The following DNAI4 variants were observed in gnomAD, a reference collection of about 807,000 sequenced individuals.
DNAI4 encodes the protein WD repeat domain 78.
DNAI4 carries 85 observed loss-of-function variants against 105.8 expected under a neutral mutation model. The observed-to-expected ratio is 0.80, with a 90% CI of 0.67 to 0.96. DNAI4 has a LOEUF of 0.96. Ranked by LOEUF, DNAI4 falls within the 40% of genes least tolerant of loss-of-function variation. The pLI is 0.00. For synonymous variants in DNAI4, 352 were observed against 331.5 expected (o/e 1.06, Z -0.67); for missense variants, 1,014 against 1,005.6 (o/e 1.01, Z -0.11).
intron 3 of DNAI4, among the ~76,000 whole-genome samples, chr1:66,892,187 A>G (rs1647714317): frequency 1.3e-5 from 2 of 152,216 alleles, no homozygotes; most frequent in African/African-American, 2.4e-5. Flanking sequence ...TATAGTCTCA[A>G]CTGCCCATCA....
At chr1:66,920,226 G>A (rs1436630262) in intron 1 of DNAI4, among the ~76,000 whole-genome samples, 2 of 152,136 alleles carry the variant, frequency 1.3e-5, no homozygotes, top group Admixed American at 6.5e-5. Flanking sequence ...GCTTTGAAGA[G>A]GAATCTGGCT....
At chr1:66,844,084 C>CAGAAAA (rs761077733) in intron 8 of DNAI4, among the ~76,000 whole-genome samples, 1 of 66,358 alleles carries the variant, frequency 1.5e-5, no homozygotes, top group Admixed American at 2.0e-4. Flanking sequence ...ACTGGAGATT[C>CAGAAAA]AAAAAAAAAA....
chr1:66,847,711 T>C (rs1646308370), intron 7 of DNAI4, 33 bp from the exon 8 acceptor site: 1 of 1,453,186 alleles, frequency 6.9e-7, no homozygotes, highest in Non-Finnish European at 9.4e-7. Flanking sequence ...AATGATAAAA[T>C]ATTCAAATGG....
Position 66,835,731 on chromosome 1 carries a change from T to G in DNAI4, c.1628A>C (p.Asp543Ala). Residue 543 changes from aspartate to alanine, a missense_variant, in exon 11 of 17, where the codon GAT (aspartate) becomes GCT (alanine). By Grantham distance (126) the Asp-to-Ala change is moderately radical. Transcript: ENST00000371026. The stretch of plus-strand genomic sequence containing the variant: ...AAGGTTAGGTGCTCCAATTGAAAAA[T>G]CCACAGCAGTAACTCCATATGGACT... Reference protein sequence around the residue: ...YQSPYGVTAVDFSIGAPNLLA... With the variant: ...YQSPYGVTAVAFSIGAPNLLA... The G allele has an allele frequency of 6.2e-7, 1 of 1,614,118 alleles. No homozygotes were observed. Among genetic ancestry groups the G allele is most frequent in the Non-Finnish European group, 8.5e-7 (1 of 1,179,996 alleles).
Position 66,862,146 on chromosome 1 carries a change from CT to C in DNAI4, c.1096del (p.Asn366IlefsTer7). 9 of 1,554,670 alleles carry C rather than the reference CT, an allele frequency of 5.8e-6. No individual in the cohort carries two copies. Among genetic ancestry groups the C allele is most frequent in the Non-Finnish European group, 7.8e-6 (9 of 1,158,650 alleles). The stretch of plus-strand genomic sequence containing the variant: ...AAAAACTAAAATAAATGAAATCTTA[CT>C]TTTTTCTGTAGTGCTCCCTGGCAAT... ...QRLPGSTTEK[N>X]SETSSLMDIE... On this transcript the variant is annotated frameshift_variant and splice_region_variant, in exon 7 of 17. Transcript: ENST00000371026. LOFTEE classifies it high-confidence loss of function.
intron 4 of DNAI4, among the ~76,000 whole-genome samples, chr1:66,876,454 T>A (rs375241572): frequency 4.6e-5 from 7 of 152,144 alleles, no homozygotes; most frequent in African/African-American, 1.4e-4. Context: ...AAATTACATA[T>A]ATAGAACCTA....
Position 66,886,688 on chromosome 1 carries a change from T to C in DNAI4, c.643+4466A>G, listed in dbSNP as rs111731500. Among the ~76,000 whole-genome samples, 670 of 152,300 alleles carry C rather than the reference T, an allele frequency of 4.4e-3. 5 individuals carry two copies. Among genetic ancestry groups the C allele is most frequent in the African/African-American group, 0.015 (629 of 41,574 alleles). On this transcript the variant is annotated intron_variant, in intron 4 of 16. Coordinates refer to ENST00000371026, the MANE Select transcript of DNAI4 (RefSeq NM_024763.5). ...AGAAGGGAAGTAGTCTACAATCTGA[T>C]TGAGTCTCAGACTTTTAGTTAACCT...
chr1:66,895,945 T>C (rs569706830), intron 2 of DNAI4, among the ~76,000 whole-genome samples: 11 of 152,318 alleles, frequency 7.2e-5, no homozygotes, highest in Admixed American at 2.0e-4. Flanking sequence ...TTGTTGTTGT[T>C]ACTGAACTTT....
intron 7 of DNAI4, among the ~76,000 whole-genome samples, chr1:66,859,162 G>A (rs975922256): frequency 1.3e-5 from 2 of 152,092 alleles, no homozygotes; most frequent in Admixed American, 6.5e-5. Context: ...ATTTTTAAAA[G>A]GGCAAAACAT....
intron 2 of DNAI4, among the ~76,000 whole-genome samples, chr1:66,900,990 A>C (rs1648773490): frequency 6.6e-6 from 1 of 152,192 alleles, no homozygotes; most frequent in Non-Finnish European, 1.5e-5. Context: ...AGTGCAATTA[A>C]GTATAATGTT....
intron 7 of DNAI4, among the ~76,000 whole-genome samples, chr1:66,850,194 T>C (rs1236326012): frequency 6.7e-6 from 1 of 149,648 alleles, no homozygotes; most frequent in African/African-American, 2.5e-5. Flanking sequence ...TGACACCTTA[T>C]CTTTAGGGGG....
intron 15 of DNAI4, among the ~76,000 whole-genome samples, chr1:66,826,284 A>G (rs1445620172): frequency 6.7e-6 from 1 of 149,326 alleles, no homozygotes; most frequent in East Asian, 1.9e-4. Context: ...GGAGATGAGT[A>G]AGGTAAACCA....
At position 66,819,056 on chromosome 1, in the gene DNAI4, G is replaced by A. The variant is rs1476960503; in HGVS notation, c.2496+3305C>T. On this transcript the variant is annotated intron_variant, in intron 16 of 16. Coordinates refer to ENST00000371026, the MANE Select transcript of DNAI4 (RefSeq NM_024763.5). ...TTTCCATTTTATTTCATTGCTTTCT[G>A]AAGAGGCTATTTTAATTTCTATTAC... is the stretch of plus-strand genomic sequence containing the variant. 3.9e-5 allele frequency among the ~76,000 whole-genome samples: 6 copies of A among 151,986 alleles called. No homozygotes were observed. The East Asian group carries it at 1.2e-3, about 29-fold the overall frequency.
intron 13 of DNAI4, among the ~76,000 whole-genome samples, chr1:66,833,066 A>G (rs890880296): frequency 3.9e-5 from 6 of 152,072 alleles, no homozygotes; most frequent in Non-Finnish European, 8.8e-5. Flanking sequence ...TTGTAAAGAG[A>G]ATTTTTCCAT....
chr1:66,844,083 T>TAAA (rs1557917425), intron 8 of DNAI4, among the ~76,000 whole-genome samples: 20 of 4,328 alleles, frequency 4.6e-3, no homozygotes, highest in African/African-American at 0.012. Flanking sequence ...AACTGGAGAT[T>TAAA]CAAAAAAAAA....
At chr1:66,893,118 AAAG>A (rs1023209346) in intron 3 of DNAI4, 108 bp downstream of exon 3, 2 of 523,430 alleles carry the variant, frequency 3.8e-6, no homozygotes, top group Non-Finnish European at 6.2e-6. Flanking sequence ...AGAAAGAAAG[AAAG>A]AAACTGGGAG....
intron 5 of DNAI4, among the ~76,000 whole-genome samples, chr1:66,872,429 A>G (rs899214424): frequency 1.2e-4 from 18 of 151,898 alleles, no homozygotes; most frequent in African/African-American, 4.4e-4. Flanking sequence ...AGGTTTTACC[A>G]TGTTGACCAG....
rs554015228 is a variant in DNAI4, at chr1:66,880,087, C to T, written c.644-5150G>A. The stretch of plus-strand genomic sequence containing the variant: ...ACAAGCTCTCTATTTTGCATGCCAC[C>T]ATCCACATGAGATATGACTTGCTCA... On this transcript the variant is annotated intron_variant, in intron 4 of 16. Transcript: ENST00000371026. 2.0e-3 allele frequency among the ~76,000 whole-genome samples: 300 copies of T among 152,298 alleles called. 1 individual carries two copies. The highest frequency in any genetic ancestry group is 3.4e-3 in the Middle Eastern group (1 of 294).
chr1:66,864,085 A>G (rs1191225190), intron 6 of DNAI4, among the ~76,000 whole-genome samples: 1 of 152,116 alleles, frequency 6.6e-6, no homozygotes, highest in Non-Finnish European at 1.5e-5. Flanking sequence ...TTAAAAGTTG[A>G]CTCTTATTTG....
Sources: allele counts gnomAD v4.1 joint callset (sites outside exome capture counted in the v4.1 genomes callset), GRCh38; gene constraint gnomAD v4.1.1; transcripts MANE v1.5; gene names NCBI Gene and HGNC (gene_info 2026-07-23, HGNC 2026-07-21).